The following GFOD2 variants were observed in gnomAD, a reference collection of about 807,000 sequenced individuals.
GFOD2 encodes the protein glucose-fructose oxidoreductase domain-containing protein 2.
In GFOD2, 9 loss-of-function variants were observed where a neutral mutation model predicts 24.6. The ratio of observed to expected loss-of-function variants is 0.37; its 90% CI spans 0.22 to 0.64. The LOEUF is 0.64. GFOD2 is among the 30% of genes least tolerant of loss of function. GFOD2 has a pLI of 0.65. For missense variants in GFOD2, 476 were observed against 532.5 expected, an observed-to-expected ratio of 0.89 and a Z score of 1.04; for synonymous variants, 211 against 224.8, an observed-to-expected ratio of 0.94 and a Z score of 0.55.
Position 67,708,016 on chromosome 16 carries a change from G to C in GFOD2, c.-88+11147C>G, listed in dbSNP as rs556139692. On this transcript the variant is annotated intron_variant, in intron 1 of 2. Coordinates refer to ENST00000268797, the MANE Select transcript of GFOD2 (RefSeq NM_030819.4). ...GGTGGTGGCTGAGGCGGAGGGAATC[G>C]AACAGAAAGAGGCACAAGGCTACAT... Among the ~76,000 whole-genome samples, 3 of 152,134 alleles carry C rather than the reference G, an allele frequency of 2.0e-5. No homozygotes were observed. The East Asian group carries it at 5.8e-4, about 29-fold the overall frequency.
intron 1 of GFOD2, among the ~76,000 whole-genome samples, chr16:67,713,119 A>G (rs2053487512): frequency 6.7e-6 from 1 of 150,282 alleles, no homozygotes; most frequent in Non-Finnish European, 1.5e-5. Flanking sequence ...CCTGGCCTCA[A>G]GTGATCCGCC....
chr16:67,713,041 C>A (rs1300151279), intron 1 of GFOD2, among the ~76,000 whole-genome samples: 1 of 143,066 alleles, frequency 7.0e-6, no homozygotes, highest in Non-Finnish European at 1.5e-5. Context: ...CACCACCACA[C>A]CCAGCTAATT....
intron 2 of GFOD2, chr16:67,684,450 C>T (rs1218476224): frequency 1.3e-5 from 2 of 151,364 alleles, no homozygotes; most frequent in Admixed American, 6.6e-5. Context: ...AATCCCAGCA[C>T]TTTGGGAGGC....
At chr16:67,710,161 T>C (rs1423053243) in intron 1 of GFOD2, among the ~76,000 whole-genome samples, 2 of 151,900 alleles carry the variant, frequency 1.3e-5, no homozygotes, top group Non-Finnish European at 2.9e-5. Flanking sequence ...GGTCTTGCTC[T>C]GTTGGTCAGG....
Position 67,675,635 on chromosome 16 carries a change from C to G in GFOD2, c.678G>C (p.Gln226His), listed in dbSNP as rs143638021. The G allele has an allele frequency of 8.1e-6, 13 of 1,613,162 alleles. No individual in the cohort carries two copies. The African/African-American group carries it at 1.6e-4, about 20-fold the overall frequency. The change falls in exon 3 of 3, where the codon CAG becomes CAC. Residue 226 changes from glutamine to histidine, a missense_variant. Gln to His is a conservative substitution (Grantham distance 24). Transcript: ENST00000268797. ...HVTSDDFCFFQMLMGGGVCST... is the reference protein window; with the variant it reads ...HVTSDDFCFFHMLMGGGVCST... ...TACACACACCCCCACCCATGAGCAT[C>G]TGGAAGAAACAGAAGTCATCGCTAG...
At chr16:67,682,821 T>C in intron 2 of GFOD2, 1 of 985,418 alleles carries the variant, frequency 1.0e-6, no homozygotes, top group Non-Finnish European at 1.2e-6. Context: ...TTAATGCTCC[T>C]GGGCCTCAGT....
In GFOD2 at chr16:67,674,928, T is replaced by C. The variant is rs45616637; in HGVS notation, c.*227A>G. Reference sequence around the variant, plus strand: ...CCATGAGGAGGCCTGGCGGCAGCTCTGCCCTGTGCACACCGTGGTAACCTG... The same window carrying C: ...CCATGAGGAGGCCTGGCGGCAGCTCCGCCCTGTGCACACCGTGGTAACCTG... On this transcript the variant is annotated 3_prime_UTR_variant, in exon 3 of 3. Coordinates refer to ENST00000268797, the MANE Select transcript of GFOD2 (RefSeq NM_030819.4). The C allele has an allele frequency of 1.7e-4, 97 of 560,188 alleles. No homozygotes were observed. Among genetic ancestry groups the C allele is most frequent in the Non-Finnish European group, 2.8e-4 (88 of 316,666 alleles). The allele number at this position is 560,188 out of a possible 1,614,324, so 34.7% of individuals were successfully genotyped here. A position where few individuals can be genotyped will look rare whatever the true frequency, so the allele number is the denominator to read the frequency against.
At chr16:67,711,905 T>C (rs1385771258) in intron 1 of GFOD2, among the ~76,000 whole-genome samples, 3 of 152,130 alleles carry the variant, frequency 2.0e-5, no homozygotes, top group Non-Finnish European at 4.4e-5. Flanking sequence ...TCTCTCTCTC[T>C]CACGTTTCCT....
Position 67,696,911 on chromosome 16 carries a change from C to T in GFOD2, c.-87-11109G>A, listed in dbSNP as rs2053363762. Among the ~76,000 whole-genome samples, 3 of 152,218 alleles carry T rather than the reference C, an allele frequency of 2.0e-5. No homozygotes were observed. The South Asian group carries it at 6.2e-4, about 31-fold the overall frequency. Reference sequence around the variant, plus strand: ...AGGCTTGCTGACTAGGTATTTCCTGCCCAAGCAGGCAGAGCTGGTTTTCCT... The same window carrying T: ...AGGCTTGCTGACTAGGTATTTCCTGTCCAAGCAGGCAGAGCTGGTTTTCCT... On this transcript the variant is annotated intron_variant, in intron 1 of 2. Coordinates refer to ENST00000268797, the MANE Select transcript of GFOD2 (RefSeq NM_030819.4).
At chr16:67,676,764 C>T (rs1300636106) in intron 2 of GFOD2, 2 of 152,060 alleles carry the variant, frequency 1.3e-5, no homozygotes, top group Non-Finnish European at 2.9e-5. Context: ...TTTTTGCCCT[C>T]ACACCCATTC....
At chr16:67,702,682 C>T (rs1567660332) in intron 1 of GFOD2, among the ~76,000 whole-genome samples, 1 of 149,606 alleles carries the variant, frequency 6.7e-6, no homozygotes, top group African/African-American at 2.5e-5. Flanking sequence ...TCACTACAAC[C>T]TCTGCCTCCT....
chr16:67,701,596 C>T lies in GFOD2; in HGVS notation c.-87-15794G>A, dbSNP rs578257756. 2.2e-4 allele frequency among the ~76,000 whole-genome samples: 34 copies of T among 152,246 alleles called. 1 individual carries two copies. The highest frequency in any genetic ancestry group is 7.9e-4 in the African/African-American group (33 of 41,534). On this transcript the variant is annotated intron_variant, in intron 1 of 2. Transcript: ENST00000268797. Reference sequence around the variant, plus strand: ...GATCAGTGGTTGTCAAGGGTTGGAACTGGGGCTAAGTGTAGACAACAAAGG... The same window carrying T: ...GATCAGTGGTTGTCAAGGGTTGGAATTGGGGCTAAGTGTAGACAACAAAGG...
intron 1 of GFOD2, among the ~76,000 whole-genome samples, chr16:67,709,808 G>T (rs1368556258): frequency 6.6e-6 from 1 of 152,018 alleles, no homozygotes; most frequent in African/African-American, 2.4e-5. Flanking sequence ...GTAGAGACGG[G>T]GTTTCCCATA....
intron 2 of GFOD2, chr16:67,682,332 G>C: frequency 4.1e-6 from 4 of 984,870 alleles, no homozygotes; most frequent in Non-Finnish European, 3.6e-6. Flanking sequence ...CACCAAGCCT[G>C]GCCTGCAAAC....
At chr16:67,700,806 G>A (rs2053397213) in intron 1 of GFOD2, among the ~76,000 whole-genome samples, 1 of 151,434 alleles carries the variant, frequency 6.6e-6, no homozygotes, top group African/African-American at 2.4e-5. Flanking sequence ...GCCGAGGCGG[G>A]CGGATCACCC....
intron 2 of GFOD2, chr16:67,683,312 G>A: frequency 8.3e-7 from 1 of 1,207,580 alleles, no homozygotes; most frequent in South Asian, 4.3e-5. Flanking sequence ...AATGGTCTCT[G>A]TGGGGAACCC....
intron 1 of GFOD2, among the ~76,000 whole-genome samples, chr16:67,686,675 C>T (rs1203799201): frequency 7.0e-6 from 1 of 143,486 alleles, no homozygotes; most frequent in South Asian, 2.2e-4. Context: ...GCTAAAAATA[C>T]AAAAAAAAAA....
chr16:67,717,728 T>C (rs950498739), intron 1 of GFOD2, among the ~76,000 whole-genome samples: 1 of 151,980 alleles, frequency 6.6e-6, no homozygotes, highest in African/African-American at 2.4e-5. Context: ...GAGGCGGAGA[T>C]TGCAGTGAGC....
intron 1 of GFOD2, among the ~76,000 whole-genome samples, chr16:67,696,049 T>G (rs1324304425): frequency 1.3e-5 from 2 of 151,762 alleles, no homozygotes; most frequent in Non-Finnish European, 2.9e-5. Context: ...TCGCTCTTTT[T>G]GCCCAGGCTG....
Sources: allele counts gnomAD v4.1 joint callset (sites outside exome capture counted in the v4.1 genomes callset), GRCh38; gene constraint gnomAD v4.1.1; transcripts MANE v1.5; gene names NCBI Gene and HGNC (gene_info 2026-07-23, HGNC 2026-07-21).